Variants in ATP8A1 observed in about 807,000 individuals in gnomAD.
The protein encoded by ATP8A1 is ATPase phospholipid transporting 8A1, also known as phospholipid-transporting ATPase IA.
Under a neutral mutation model 177.7 loss-of-function variants are expected in ATP8A1, and 90 were observed. The ratio of observed to expected loss-of-function variants is 0.51; its 90% CI spans 0.43 to 0.60. ATP8A1 has a LOEUF of 0.60. Ranked by LOEUF, ATP8A1 falls within the 20% of genes least tolerant of loss-of-function variation. ATP8A1 has a pLI of 0.00. For synonymous variants in ATP8A1, 493 were observed against 485.9 expected, an observed-to-expected ratio of 1.01 and a Z score of -0.19; for missense variants, 1,072 against 1,392.8, an observed-to-expected ratio of 0.77 and a Z score of 3.67.
At chr4:42,616,162 T>A (rs1736897362) in intron 4 of ATP8A1, 84 bp from the exon 5 acceptor site, 8 of 1,171,826 alleles carry the variant, frequency 6.8e-6, no homozygotes, top group Admixed American at 2.1e-5. Flanking sequence ...AAAAAAGATT[T>A]AGCTTATGTT....
At chr4:42,584,831 C>T (rs1457661651) in intron 9 of ATP8A1, among the ~76,000 whole-genome samples, 1 of 152,142 alleles carries the variant, frequency 6.6e-6, no homozygotes, top group Non-Finnish European at 1.5e-5. Flanking sequence ...CTGTTTGGAC[C>T]AAACTTATAA....
rs146595907 is a variant in ATP8A1, at chr4:42,485,616, C to T, written c.2204G>A (p.Arg735Gln). ...TATAAGAGCAAAATCATTCTCTTTC[C>T]GGAGAGCATCACCAAGGGTAGTACA... ...RHCTTLGDAL[R>Q]KENDFALIID... Residue 735 changes from arginine to glutamine, a missense_variant, in exon 25 of 37, where the codon CGG becomes CAG. Arg to Gln is a conservative substitution (Grantham distance 43). Around this residue, in one of 5 missense-constraint regions of ATP8A1, gnomAD observed 388 missense variants for 471.7 expected, o/e 0.82. Coordinates refer to ENST00000381668, the MANE Select transcript of ATP8A1 (RefSeq NM_006095.2). 303 of 1,613,504 alleles carry T rather than the reference C, an allele frequency of 1.9e-4. No individual in the cohort carries two copies. Among genetic ancestry groups the T allele is most frequent in the Non-Finnish European group, 2.4e-4 (282 of 1,179,746 alleles).
At chr4:42,601,765 T>G (rs970506545) in intron 5 of ATP8A1, among the ~76,000 whole-genome samples, 1 of 152,158 alleles carries the variant, frequency 6.6e-6, no homozygotes, top group African/African-American at 2.4e-5. Flanking sequence ...ATTTGCAAAA[T>G]GCATAATTTA....
Position 42,410,487 on chromosome 4 carries a change from T to TA in ATP8A1, c.*2428dup, listed in dbSNP as rs890297319. On this transcript the variant is annotated 3_prime_UTR_variant, in exon 37 of 37. Coordinates refer to ENST00000381668, the MANE Select transcript of ATP8A1 (RefSeq NM_006095.2). The stretch of plus-strand genomic sequence containing the variant: ...GACTTTTTTCCAGTTAAGGAAGGTT[T>TA]AAAAAATCAGACTATTTTCTCTAAT... 23 of 152,210 alleles carry TA rather than the reference T, an allele frequency of 1.5e-4. 1 individual carries two copies. The highest frequency in any genetic ancestry group is 5.5e-4 in the African/African-American group (23 of 41,458). The allele number at this position is 152,210 out of a possible 1,614,324, so 9.4% of individuals were successfully genotyped here. A position where few individuals can be genotyped will look rare whatever the true frequency, so the allele number is the denominator to read the frequency against.
Position 42,543,995 on chromosome 4 carries a change from A to G in ATP8A1, c.1653-9T>C. The G allele has an allele frequency of 6.2e-7, 1 of 1,612,386 alleles. No homozygotes were observed. The highest frequency in any genetic ancestry group is 8.5e-7 in the Non-Finnish European group (1 of 1,178,960). The stretch of plus-strand genomic sequence containing the variant: ...ACATTCTTTTCCTAGCACTGAAAGA[A>G]AGAGGTTTTGCATAATGTGTCATCA... On this transcript the variant is annotated splice_polypyrimidine_tract_variant and intron_variant, in intron 19 of 36. Coordinates refer to ENST00000381668, the MANE Select transcript of ATP8A1 (RefSeq NM_006095.2).
In ATP8A1 at chr4:42,506,492, G is replaced by A. The variant is rs73165724; in HGVS notation, c.2086+524C>T. The stretch of plus-strand genomic sequence containing the variant: ...GGTATTTTGTTATGGTAGCCAGAAC[G>A]GACTAAGACAGCACTGTAATGCAAT... On this transcript the variant is annotated intron_variant, in intron 23 of 36. Coordinates refer to ENST00000381668, the MANE Select transcript of ATP8A1 (RefSeq NM_006095.2). Among the ~76,000 whole-genome samples, 278 of 152,242 alleles carry A rather than the reference G, an allele frequency of 1.8e-3. 1 individual carries two copies. The highest frequency in any genetic ancestry group is 6.4e-3 in the African/African-American group (264 of 41,540).
At chr4:42,550,408 C>T (rs1352797728) in intron 18 of ATP8A1, among the ~76,000 whole-genome samples, 2 of 152,108 alleles carry the variant, frequency 1.3e-5, no homozygotes, top group African/African-American at 4.8e-5. Flanking sequence ...CTGATAGGAG[C>T]ATTTTGTTCC....
chr4:42,545,294 A>G (rs949005804), intron 19 of ATP8A1, among the ~76,000 whole-genome samples: 14 of 152,204 alleles, frequency 9.2e-5, no homozygotes, highest in Non-Finnish European at 2.1e-4. Context: ...AATGACACCT[A>G]TACATTCTAC....
chr4:42,534,104 C>A (rs1318570730), intron 20 of ATP8A1, among the ~76,000 whole-genome samples: 1 of 152,082 alleles, frequency 6.6e-6, no homozygotes, highest in Admixed American at 6.5e-5. Flanking sequence ...GGTAATATGA[C>A]AAAACAAGGT....
chr4:42,635,782 C>CACATATATATATATATATATATAT (rs1553920597), intron 1 of ATP8A1, among the ~76,000 whole-genome samples: 14 of 51,978 alleles, frequency 2.7e-4, no homozygotes, highest in Non-Finnish European at 3.3e-4. Context: ...CACACACACA[C>CACATATATATATATATATATATAT]ATATATATAT....
At chr4:42,522,392 A>G in intron 21 of ATP8A1, 93 bp from the exon 22 acceptor site, 1 of 1,430,110 alleles carries the variant, frequency 7.0e-7, no homozygotes. Flanking sequence ...CCCATTTTGA[A>G]AAAAGTGATT....
At chr4:42,422,349 TA>T (rs1433811238) in intron 35 of ATP8A1, among the ~76,000 whole-genome samples, 1 of 152,124 alleles carries the variant, frequency 6.6e-6, no homozygotes, top group Non-Finnish European at 1.5e-5. Context: ...CTCGGCCTCC[TA>T]AAGTGCTGGG....
At chr4:42,624,691 G>T in intron 3 of ATP8A1, 57 bp from the exon 4 acceptor site, 1 of 989,652 alleles carries the variant, frequency 1.0e-6, no homozygotes, top group Non-Finnish European at 1.4e-6. Context: ...ATTTATAATA[G>T]ATTCAAGAAA....
In ATP8A1 at chr4:42,449,265, A is replaced by G. The variant is rs540901071; in HGVS notation, c.2897-2621T>C. 1.5e-4 allele frequency among the ~76,000 whole-genome samples: 23 copies of G among 152,344 alleles called. No homozygotes were observed. In the South Asian group the frequency reaches 4.8e-3, roughly 32 times the overall value. ...AGAACTGCTTTATATGTATGTTAAT[A>G]CTTCCCATTTTGTCAAATACAAAAT... On this transcript the variant is annotated intron_variant, in intron 30 of 36. Coordinates refer to ENST00000381668, the MANE Select transcript of ATP8A1 (RefSeq NM_006095.2).
At chr4:42,569,264 A>G in intron 14 of ATP8A1, 59 bp from the exon 15 acceptor site, 2 of 1,375,096 alleles carry the variant, frequency 1.5e-6, no homozygotes, top group Non-Finnish European at 2.0e-6. Context: ...AAAGGCTGGA[A>G]ACATAAAACC....
chr4:42,645,629 C>T (rs916790458), intron 1 of ATP8A1, among the ~76,000 whole-genome samples: 4 of 152,146 alleles, frequency 2.6e-5, no homozygotes, highest in African/African-American at 4.8e-5. Context: ...GAGCATCACA[C>T]GATGTGGCTA....
rs1216692882 is a variant in ATP8A1 at position 42,411,494 on chromosome 4, A to C, written c.*1422T>G. ...TTCAATCTCTGAAGTGTATCTGAAA[A>C]CTAATTCCTTTTTTTCAAATGAAAG... is the stretch of plus-strand genomic sequence containing the variant. On this transcript the variant is annotated 3_prime_UTR_variant, in exon 37 of 37. Coordinates refer to ENST00000381668, the MANE Select transcript of ATP8A1 (RefSeq NM_006095.2). 1 of 152,204 alleles carries C rather than the reference A, an allele frequency of 6.6e-6. No individual in the cohort carries two copies. Among genetic ancestry groups the C allele is most frequent in the African/African-American group, 2.4e-5 (1 of 41,450 alleles). The allele number at this position is 152,204 out of a possible 1,614,324, so 9.4% of individuals were successfully genotyped here.
chr4:42,573,436 G>C (rs1732103180), intron 14 of ATP8A1, among the ~76,000 whole-genome samples: 1 of 152,172 alleles, frequency 6.6e-6, no homozygotes, highest in Non-Finnish European at 1.5e-5. Context: ...TGGGAGGAGG[G>C]TGGAGGAGGC....
chr4:42,579,060 T>C (rs181768361), intron 11 of ATP8A1, among the ~76,000 whole-genome samples: 4 of 152,172 alleles, frequency 2.6e-5, no homozygotes, highest in Admixed American at 1.3e-4. Context: ...GTGATTGTAC[T>C]AGAATTTGCT....
Sources: allele counts gnomAD v4.1 joint callset (sites outside exome capture counted in the v4.1 genomes callset), GRCh38; gene constraint gnomAD v4.1.1; regional missense constraint gnomAD v4.1.1; transcripts MANE v1.5; gene names NCBI Gene and HGNC (gene_info 2026-07-23, HGNC 2026-07-21).